ADAMTS18: variants seen among roughly 807,000 people sequenced by gnomAD.
ADAMTS18 encodes the protein ADAM metallopeptidase with thrombospondin type 1 motif 18, also known as A disintegrin and metalloproteinase with thrombospondin motifs 18.
ADAMTS18 carries 157 observed loss-of-function variants against 165.9 expected under a neutral mutation model. The observed-to-expected ratio is 0.95, with a 90% confidence interval of 0.83 to 1.08. The LOEUF (loss-of-function observed/expected upper bound fraction) is 1.08, where lower values mean the gene tolerates loss of function less well. Ranked by LOEUF, ADAMTS18 falls within the 50% of genes least tolerant of loss-of-function variation. The pLI is 0.00. For synonymous variants in ADAMTS18, 782 were observed against 578.2 expected (o/e 1.35, Z -5.06); for missense variants, 2,040 against 1,534.0 (o/e 1.33, Z -5.51).
chr16:77,392,955 G>C (rs746326387), intron 3 of ADAMTS18, among the ~76,000 whole-genome samples: 4 of 152,016 alleles, frequency 2.6e-5, no homozygotes, highest in Non-Finnish European at 5.9e-5. Flanking sequence ...GAGAGCTCAT[G>C]GTATCTGAAA....
chr16:77,312,196 G>C (rs745337102), intron 16 of ADAMTS18, among the ~76,000 whole-genome samples: 30 of 151,894 alleles, frequency 2.0e-4, no homozygotes, highest in Non-Finnish European at 4.3e-4. Context: ...TCTATCACCA[G>C]TGGAGGCCAA....
chr16:77,392,788 G>A (rs1597216897), intron 3 of ADAMTS18, among the ~76,000 whole-genome samples: 1 of 152,042 alleles, frequency 6.6e-6, no homozygotes, highest in East Asian at 1.9e-4. Flanking sequence ...AAAATATCAA[G>A]TGCTAAAATT....
chr16:77,397,283 A>G (rs927486629), intron 3 of ADAMTS18, among the ~76,000 whole-genome samples: 1 of 152,244 alleles, frequency 6.6e-6, no homozygotes, highest in Non-Finnish European at 1.5e-5. Flanking sequence ...AATACACTGT[A>G]TACAAAAGAA....
chr16:77,322,706 G>T (rs765472127), intron 13 of ADAMTS18, among the ~76,000 whole-genome samples: 9 of 152,124 alleles, frequency 5.9e-5, no homozygotes, highest in Non-Finnish European at 8.8e-5. Flanking sequence ...CATCCTTAGG[G>T]ATAGTCACCA....
intron 2 of ADAMTS18, chr16:77,431,847 T>C (rs2057744398): frequency 1.8e-6 from 1 of 570,110 alleles, no homozygotes; most frequent in Non-Finnish European, 3.1e-6. Flanking sequence ...TTTGATGAAT[T>C]TCATGGATGT....
chr16:77,335,005 ATAGTATATAG>A (rs1469798866), intron 12 of ADAMTS18, among the ~76,000 whole-genome samples: 3 of 143,264 alleles, frequency 2.1e-5, no homozygotes, highest in African/African-American at 7.7e-5. Flanking sequence ...CTGTATATTA[ATAGTATATAG>A]TAGTATATAT....
At chr16:77,434,306 C>T in intron 2 of ADAMTS18, 112 bp downstream of exon 2, 6 of 1,256,424 alleles carry the variant, frequency 4.8e-6, no homozygotes, top group Non-Finnish European at 6.7e-6. Context: ...TCCAAGACAG[C>T]GCACACCTGC....
chr16:77,326,689 G>T (rs1024937013), intron 12 of ADAMTS18, among the ~76,000 whole-genome samples: 1 of 152,124 alleles, frequency 6.6e-6, no homozygotes, highest in Non-Finnish European at 1.5e-5. Flanking sequence ...AGCCTGAAAG[G>T]ATATTCTTTT....
intron 11 of ADAMTS18, among the ~76,000 whole-genome samples, chr16:77,339,562 T>C (rs972717148): frequency 1.3e-5 from 2 of 151,574 alleles, no homozygotes; most frequent in African/African-American, 4.9e-5. Context: ...TATTTTCCTG[T>C]GTATCCCTTA....
rs1406400739 is a variant in ADAMTS18 at position 77,343,424 on chromosome 16, G to A, written c.1615-1625C>T. ...CTTCCAGAACTATAAGATAATAAAT[G>A]TGTGTTGCCTTAAGTCACACTAAGT... is the stretch of plus-strand genomic sequence containing the variant. On this transcript the variant is annotated intron_variant, in intron 10 of 22. Coordinates refer to ENST00000282849, the MANE Select transcript of ADAMTS18 (RefSeq NM_199355.4). Among the ~76,000 whole-genome samples the A allele has an allele frequency of 1.3e-5, 2 of 152,204 alleles. 1 individual carries two copies. The highest frequency in any genetic ancestry group is 2.9e-5 in the Non-Finnish European group (2 of 68,046).
chr16:77,376,237 G>A (rs76693126), intron 3 of ADAMTS18, among the ~76,000 whole-genome samples: 13,570 of 152,176 alleles, frequency 0.089, 788 homozygotes, highest in East Asian at 0.26. Context: ...GCAGAAGGAA[G>A]AGAGAGTGAA....
rs1263854006 is a variant in ADAMTS18 at position 77,324,417 on chromosome 16, ATATT to A, written c.2032+1445_2032+1448del. 2.6e-5 allele frequency among the ~76,000 whole-genome samples: 4 copies of A among 152,224 alleles called. No individual in the cohort carries two copies. In the South Asian group the frequency reaches 8.3e-4, roughly 32 times the overall value. On this transcript the variant is annotated intron_variant, in intron 13 of 22. Transcript: ENST00000282849. ...AGTATATTTTCATTTTGGACAGTTA[ATATT>A]TATTTACTTATTCATTCATTTCAAA...
chr16:77,367,822 G>T, intron 3 of ADAMTS18, 99 bp from the exon 4 acceptor site: 3 of 1,367,080 alleles, frequency 2.2e-6, no homozygotes, highest in Non-Finnish European at 2.1e-6. Flanking sequence ...CTGTATGTGG[G>T]CACAGGAGCT....
intron 3 of ADAMTS18, among the ~76,000 whole-genome samples, chr16:77,429,437 G>A (rs559589266): frequency 5.3e-5 from 8 of 152,276 alleles, no homozygotes; most frequent in African/African-American, 1.7e-4. Flanking sequence ...CTACTTGGGG[G>A]TGGAGGGTCG....
In ADAMTS18 at chr16:77,362,110, G is replaced by C. The variant is rs144011185; in HGVS notation, c.1211C>G (p.Thr404Ser). ...ICSWKNEPCD[T>S]LGFAPISGMC... ...AGGATCTGTTCATACCATACCTAGA[G>C]TGTCACATGGTTCATTCTTCCAAGA... Residue 404 changes from threonine to serine, a missense_variant, in exon 7 of 23, where the codon ACT becomes AGT. Coordinates refer to ENST00000282849, the MANE Select transcript of ADAMTS18 (RefSeq NM_199355.4). 6.2e-7 allele frequency: 1 copy of C among 1,614,072 alleles called. No individual in the cohort carries two copies. Among genetic ancestry groups the C allele is most frequent in the Admixed American group, 1.7e-5 (1 of 60,026 alleles).
At chr16:77,289,956 C>T (rs990465731) in intron 21 of ADAMTS18, among the ~76,000 whole-genome samples, 1 of 151,614 alleles carries the variant, frequency 6.6e-6, no homozygotes, top group African/African-American at 2.4e-5. Context: ...AAGTAGACAA[C>T]TCAACTGTCT....
intron 11 of ADAMTS18, among the ~76,000 whole-genome samples, chr16:77,341,275 G>C (rs530703667): frequency 1.3e-5 from 2 of 152,226 alleles, no homozygotes; most frequent in Admixed American, 1.3e-4. Flanking sequence ...GGAATCTATA[G>C]GGCATGTCAA....
intron 3 of ADAMTS18, among the ~76,000 whole-genome samples, chr16:77,391,443 G>A (rs1029244303): frequency 6.7e-6 from 1 of 149,726 alleles, no homozygotes; most frequent in Non-Finnish European, 1.5e-5. Flanking sequence ...GTTAAGTCGA[G>A]ATCACACCAC....
intron 3 of ADAMTS18, among the ~76,000 whole-genome samples, chr16:77,430,344 A>C (rs531783288): frequency 1.9e-4 from 29 of 152,212 alleles, no homozygotes; most frequent in Non-Finnish European, 3.2e-4. Flanking sequence ...ATAGGGGGAA[A>C]AAATTAAAAA....
Sources: gnomAD v4.1 joint callset for allele counts (sites outside exome capture counted in the v4.1 genomes callset) on GRCh38, gnomAD v4.1.1 for gene constraint, MANE v1.5 for transcripts, NCBI Gene and HGNC (gene_info 2026-07-23, HGNC 2026-07-21) for gene names.